SLCO1C1: variants seen among roughly 807,000 people sequenced by gnomAD.
SLCO1C1 encodes the protein OAT-RP-5.
SLCO1C1 carries 70 observed loss-of-function variants against 76.4 expected under a neutral mutation model. The ratio of observed to expected loss-of-function variants is 0.92; its 90% CI spans 0.76 to 1.12. The LOEUF (loss-of-function observed/expected upper bound fraction) is 1.12, where lower values mean the gene tolerates loss of function less well. SLCO1C1 is among the 50% of genes most tolerant of loss of function. The pLI is 0.00. For missense variants in SLCO1C1, 912 were observed against 823.8 expected (o/e 1.11, Z -1.31); for synonymous variants, 306 against 286.1 (o/e 1.07, Z -0.70).
rs1276896185 is a variant in SLCO1C1 at position 20,724,437 on chromosome 12, ATATATATATATATATGTGTG to A, written c.1186+1185_1186+1204del. On this transcript the variant is annotated intron_variant, in intron 9 of 14. Transcript: ENST00000266509. Reference sequence around the variant, plus strand: ...TATATATATATATATATATATATATATATATATATATATATGTGTGTGTGTGTGTGTGTGTGTGTGTCACA... The same window carrying A: ...TATATATATATATATATATATATATATGTGTGTGTGTGTGTGTGTGTCACA... 4.8e-5 allele frequency among the ~76,000 whole-genome samples: 6 copies of A among 125,782 alleles called. No individual in the cohort carries two copies. In the South Asian group the frequency reaches 9.5e-4, roughly 20 times the overall value. 82.5% of individuals were successfully genotyped at this position (125,782 alleles called of 152,430 possible).
At position 20,752,623 on chromosome 12, in the gene SLCO1C1, C is replaced by T; in HGVS notation, c.*95C>T. The T allele has an allele frequency of 9.4e-7, 1 of 1,060,350 alleles. No homozygotes were observed. The highest frequency in any genetic ancestry group is 1.3e-6 in the Non-Finnish European group (1 of 756,806). The allele number at this position is 1,060,350 out of a possible 1,614,324, so 65.7% of individuals were successfully genotyped here. A position where few individuals can be genotyped will look rare whatever the true frequency, so the allele number is the denominator to read the frequency against. ...AGAGCTCTAAATTTGTAATTTCTTT[C>T]TCCTTTCAAAAAATGTCTACTTTGT... On this transcript the variant is annotated 3_prime_UTR_variant, in exon 15 of 15. Transcript: ENST00000266509.
intron 12 of SLCO1C1, among the ~76,000 whole-genome samples, chr12:20,741,113 C>T (rs186563223): frequency 6.6e-6 from 1 of 151,946 alleles, no homozygotes; most frequent in African/African-American, 2.4e-5. Flanking sequence ...AGGGAAGAGC[C>T]TCTTATAAAA....
At chr12:20,736,192 T>C (rs1236804440) in intron 10 of SLCO1C1, among the ~76,000 whole-genome samples, 3 of 148,908 alleles carry the variant, frequency 2.0e-5, no homozygotes, top group Non-Finnish European at 4.5e-5. Context: ...GCCATTCAGG[T>C]GACAGAAAAA....
intron 11 of SLCO1C1, among the ~76,000 whole-genome samples, chr12:20,739,451 G>A (rs764022579): frequency 4.6e-5 from 7 of 150,988 alleles, no homozygotes; most frequent in South Asian, 2.1e-4. Flanking sequence ...ACCTCTAAAC[G>A]GAGAACTAAA....
At chr12:20,701,551 A>T in intron 3 of SLCO1C1, 92 bp downstream of exon 3, 3 of 995,486 alleles carry the variant, frequency 3.0e-6, no homozygotes, top group Non-Finnish European at 4.1e-6. Flanking sequence ...GTCTGCTGGG[A>T]TCAGACTCTA....
intron 3 of SLCO1C1, 48 bp from the exon 4 acceptor site, chr12:20,705,901 T>A (rs751767901): frequency 8.0e-5 from 127 of 1,592,232 alleles, no homozygotes; most frequent in Non-Finnish European, 9.2e-5. Flanking sequence ...TGCTGTTGAC[T>A]TCTTTCTAAG....
At chr12:20,742,525 GATTT>G (rs374795837) in intron 12 of SLCO1C1, among the ~76,000 whole-genome samples, 10 of 151,454 alleles carry the variant, frequency 6.6e-5, no homozygotes, top group South Asian at 2.1e-4. Context: ...GCACTTTTCT[GATTT>G]ATTTATTTAT....
In SLCO1C1 at chr12:20,733,028, T is replaced by C. The variant is rs756318935; in HGVS notation, c.1306T>C (p.Tyr436His). ...CTACTTGGGATCATCTGTCTTTGGTTACCTCCTATTTCTTTCCCTGTTTGC... is the reference window on the plus strand; with the variant it reads ...CTACTTGGGATCATCTGTCTTTGGTCACCTCCTATTTCTTTCCCTGTTTGC... The part of the protein sequence containing the change: ...KLYLGSSVFG[Y>H]LLFLSLFALG... Residue 436 changes from tyrosine to histidine, a missense_variant, in exon 10 of 15, where the codon TAC (tyrosine) becomes CAC (histidine). Transcript: ENST00000266509. 2.5e-6 allele frequency: 4 copies of C among 1,613,566 alleles called. No homozygotes were observed. Among genetic ancestry groups the C allele is most frequent in the East Asian group, 2.2e-5 (1 of 44,862 alleles).
intron 13 of SLCO1C1, among the ~76,000 whole-genome samples, chr12:20,744,562 T>C (rs1948956013): frequency 1.3e-5 from 2 of 152,082 alleles, no homozygotes; most frequent in Admixed American, 6.6e-5. Context: ...TTTTAATATA[T>C]AGAAAGATGG....
In SLCO1C1 at chr12:20,698,449, C is replaced by T. The variant is rs181107327; in HGVS notation, c.-25-1103C>T. ...TTGTTGAAGTCCTCTGATGTTTTAA[C>T]TTCATATTATTAATACAAAGCAAAT... is the stretch of plus-strand genomic sequence containing the variant. On this transcript the variant is annotated intron_variant, in intron 1 of 14. Coordinates refer to ENST00000266509, the MANE Select transcript of SLCO1C1 (RefSeq NM_017435.5). Among the ~76,000 whole-genome samples, 7 of 152,098 alleles carry T rather than the reference C, an allele frequency of 4.6e-5. No individual in the cohort carries two copies. In the East Asian group the frequency reaches 1.2e-3, roughly 25 times the overall value.
At chr12:20,731,913 G>A (rs1272016881) in intron 9 of SLCO1C1, among the ~76,000 whole-genome samples, 2 of 152,042 alleles carry the variant, frequency 1.3e-5, no homozygotes, top group Non-Finnish European at 2.9e-5. Context: ...ACAAATAATG[G>A]AATTTAGTTA....
chr12:20,717,709 T>C (rs1406915558), intron 7 of SLCO1C1, among the ~76,000 whole-genome samples: 1 of 141,686 alleles, frequency 7.1e-6, no homozygotes, highest in Non-Finnish European at 1.5e-5. Context: ...CAAGTCATTT[T>C]TAGGTGGAAG....
At chr12:20,747,677 T>C (rs1783715422) in intron 13 of SLCO1C1, among the ~76,000 whole-genome samples, 2 of 152,192 alleles carry the variant, frequency 1.3e-5, no homozygotes, top group African/African-American at 4.8e-5. Context: ...ATTTTTTAAG[T>C]GGTAAATCAT....
At chr12:20,712,894 G>A (rs554264097) in intron 5 of SLCO1C1, among the ~76,000 whole-genome samples, 1 of 152,260 alleles carries the variant, frequency 6.6e-6, no homozygotes, top group South Asian at 2.1e-4. Flanking sequence ...ACAAAGAGGA[G>A]AATATGAAAG....
intron 11 of SLCO1C1, 116 bp downstream of exon 11, chr12:20,737,388 C>T (rs933580242): frequency 2.8e-6 from 3 of 1,073,770 alleles, no homozygotes; most frequent in South Asian, 4.0e-5. Context: ...TTACCTCTGC[C>T]TGGTCCTTTT....
At chr12:20,717,544 T>A (rs2120720567) in intron 7 of SLCO1C1, among the ~76,000 whole-genome samples, 1 of 151,638 alleles carries the variant, frequency 6.6e-6, no homozygotes, top group Non-Finnish European at 1.5e-5. Flanking sequence ...CTTATTGGCT[T>A]CAGGTGTGTC....
intron 7 of SLCO1C1, among the ~76,000 whole-genome samples, chr12:20,719,100 C>CTACTATTATTAT (rs151251086): frequency 1.4e-5 from 2 of 145,652 alleles, no homozygotes; most frequent in African/African-American, 5.1e-5. Context: ...CAAGCTTTTA[C>CTACTATTATTAT]TATTATTATT....
At chr12:20,719,270 C>A in intron 7 of SLCO1C1, among the ~76,000 whole-genome samples, 1 of 152,168 alleles carries the variant, frequency 6.6e-6, no homozygotes, top group East Asian at 1.9e-4. Context: ...GCTCCACTGA[C>A]TGGCCATTCC....
chr12:20,723,047 G>A lies in SLCO1C1; in HGVS notation c.1022-43G>A, dbSNP rs376426351. The A allele has an allele frequency of 1.2e-4, 184 of 1,557,562 alleles. No individual in the cohort carries two copies. In the African/African-American group the frequency reaches 1.7e-3, roughly 15 times the overall value. The stretch of plus-strand genomic sequence containing the variant: ...AGCACGGCTACTTCTTCTTCCATGC[G>A]TGACACCAACTTTAATTAGTCTATG... On this transcript the variant is annotated intron_variant, in intron 8 of 14. Coordinates refer to ENST00000266509, the MANE Select transcript of SLCO1C1 (RefSeq NM_017435.5).
Sources: gnomAD v4.1 joint callset for allele counts (sites outside exome capture counted in the v4.1 genomes callset) on GRCh38, gnomAD v4.1.1 for gene constraint, MANE v1.5 for transcripts, NCBI Gene and HGNC (gene_info 2026-07-23, HGNC 2026-07-21) for gene names.